Variants in EVL observed in about 807,000 individuals in gnomAD.
The protein encoded by EVL is Enah/Vasp-like.
In EVL, 21 loss-of-function variants were observed where a neutral mutation model predicts 59.6. The observed-to-expected ratio is 0.35, with a 90% CI of 0.25 to 0.51. The LOEUF (loss-of-function observed/expected upper bound fraction) is 0.51. Among genes scored for constraint, EVL ranks in the 20% least tolerant of loss-of-function variants. The pLI, the probability that EVL is intolerant of heterozygous loss-of-function variation, is 0.97. For synonymous variants in EVL, 198 were observed against 203.5 expected (o/e 0.97, Z 0.23); for missense variants, 462 against 546.6 (o/e 0.85, Z 1.54).
chr14:100,085,634 A>G (rs912720052), intron 2 of EVL, among the ~76,000 whole-genome samples: 3 of 152,242 alleles, frequency 2.0e-5, no homozygotes, highest in African/African-American at 7.2e-5. Context: ...TTGTGGGTCA[A>G]GCTTCAGCTA....
intron 1 of EVL, among the ~76,000 whole-genome samples, chr14:99,982,680 A>G (rs2060815282): frequency 6.6e-6 from 1 of 152,242 alleles, no homozygotes; most frequent in Admixed American, 6.5e-5. Flanking sequence ...GATTCATACG[A>G]AGATGCATTG....
intron 1 of EVL, among the ~76,000 whole-genome samples, chr14:100,039,104 CTTGGGG>C (rs1049665578): frequency 6.6e-6 from 1 of 152,130 alleles, no homozygotes; most frequent in Non-Finnish European, 1.5e-5. Flanking sequence ...AAAGTTAAAC[CTTGGGG>C]ACAGAGACCC....
Position 100,065,491 on chromosome 14 carries a change from C to G in EVL, c.-10C>G. On this transcript the variant is annotated 5_prime_UTR_variant, in exon 1 of 14. Coordinates refer to ENST00000392920, the MANE Select transcript of EVL (RefSeq NM_016337.3). ...CTCCTCAGGGTTCCCTGTGCTGCCA[C>G]TTTTCAGCCATGGCCACAAGGTGAG... The G allele has an allele frequency of 6.6e-7, 1 of 1,519,268 alleles. No homozygotes were observed. The highest frequency in any genetic ancestry group is 8.9e-7 in the Non-Finnish European group (1 of 1,122,494). 94.1% of individuals were successfully genotyped at this position (1,519,268 alleles called of 1,614,324 possible).
intron 7 of EVL, among the ~76,000 whole-genome samples, chr14:100,131,711 G>A (rs1445064845): frequency 6.6e-6 from 1 of 152,234 alleles, no homozygotes; most frequent in East Asian, 1.9e-4. Flanking sequence ...GACAGTCCAG[G>A]AAGAGATGAT....
At chr14:100,053,937 G>A (rs2061685976) in intron 1 of EVL, among the ~76,000 whole-genome samples, 2 of 151,656 alleles carry the variant, frequency 1.3e-5, no homozygotes, top group Admixed American at 6.6e-5. Context: ...GTGAGCCACT[G>A]TGCCCAGCCC....
At chr14:100,032,568 C>A (rs1341805807) in intron 1 of EVL, among the ~76,000 whole-genome samples, 2 of 152,180 alleles carry the variant, frequency 1.3e-5, no homozygotes, top group Non-Finnish European at 2.9e-5. Context: ...CCTCCATGGT[C>A]TGGCTGCGGT....
chr14:100,135,887 C>A lies in EVL; in HGVS notation c.901-18C>A, dbSNP rs765125190. ...CCAGGTGGCCTTCCTAAACAGACTC[C>A]CTTCTTCTCCATTTTAGGAAGATCC... On this transcript the variant is annotated intron_variant, in intron 8 of 13. Transcript: ENST00000392920. 6.2e-7 allele frequency: 1 copy of A among 1,613,852 alleles called. No homozygotes were observed. The highest frequency in any genetic ancestry group is 8.5e-7 in the Non-Finnish European group (1 of 1,179,862).
upstream of EVL, among the ~76,000 whole-genome samples, chr14:100,064,426 G>A (rs2061890206): frequency 6.6e-6 from 1 of 152,210 alleles, no homozygotes; most frequent in Non-Finnish European, 1.5e-5. Context: ...ACCCTGTGGA[G>A]ATAGGCAAAA....
At chr14:100,117,728 T>G (rs1055770988) in intron 3 of EVL, among the ~76,000 whole-genome samples, 4 of 152,220 alleles carry the variant, frequency 2.6e-5, no homozygotes, top group Non-Finnish European at 5.9e-5. Flanking sequence ...TTGAGTTCTC[T>G]CCTTACCCCA....
chr14:100,084,138 A>G (rs1219180691), intron 1 of EVL, among the ~76,000 whole-genome samples: 1 of 143,836 alleles, frequency 7.0e-6, no homozygotes, highest in African/African-American at 2.7e-5. Context: ...TGCAACCTCC[A>G]TCTCCTGGGT....
intron 2 of EVL, among the ~76,000 whole-genome samples, chr14:100,092,068 G>C (rs1025248048): frequency 2.0e-5 from 3 of 151,732 alleles, no homozygotes; most frequent in Non-Finnish European, 4.4e-5. Flanking sequence ...GCAAGACCTC[G>C]TCTCTACAAA....
chr14:100,117,871 C>G (rs1048658829), intron 3 of EVL, among the ~76,000 whole-genome samples: 5 of 152,200 alleles, frequency 3.3e-5, no homozygotes, highest in Admixed American at 1.3e-4. Context: ...TAGACTTCTG[C>G]TATTTTCTCT....
At chr14:100,117,033 G>A (rs1459874906) in intron 3 of EVL, among the ~76,000 whole-genome samples, 4 of 152,218 alleles carry the variant, frequency 2.6e-5, no homozygotes, top group Non-Finnish European at 5.9e-5. Context: ...AAGACAGGAC[G>A]GGGACCAAGG....
At chr14:100,092,005 G>A (rs892583208) in intron 2 of EVL, among the ~76,000 whole-genome samples, 10 of 152,168 alleles carry the variant, frequency 6.6e-5, no homozygotes, top group South Asian at 2.1e-4. Context: ...TTGGGAGGCC[G>A]AGGCAGGAGG....
At chr14:100,027,406 C>T (rs1054637577) in intron 1 of EVL, among the ~76,000 whole-genome samples, 12 of 152,268 alleles carry the variant, frequency 7.9e-5, no homozygotes, top group African/African-American at 1.4e-4. Context: ...ACCCTCTCCC[C>T]GTTACCCTTC....
intron 1 of EVL, 79 bp from the exon 2 acceptor site, chr14:100,084,608 G>A (rs953743027): frequency 6.8e-6 from 10 of 1,468,534 alleles, no homozygotes; most frequent in East Asian, 2.3e-5. Flanking sequence ...GTAGCAATTG[G>A]CCTCTATTTC....
At chr14:99,977,890 G>GT (rs2060780944) in intron 1 of EVL, 1 of 151,514 alleles carries the variant, frequency 6.6e-6, no homozygotes, top group Non-Finnish European at 1.5e-5. Flanking sequence ...GAGGTCAGGA[G>GT]TTTGAGACCA....
At chr14:99,994,311 A>G (rs2060897892) in intron 1 of EVL, among the ~76,000 whole-genome samples, 1 of 151,762 alleles carries the variant, frequency 6.6e-6, no homozygotes, top group Non-Finnish European at 1.5e-5. Context: ...TTTTGTTAAT[A>G]GTTTTTCTGT....
intron 11 of EVL, chr14:100,140,242 A>G (rs767347865): frequency 6.6e-5 from 10 of 152,236 alleles, no homozygotes; most frequent in Non-Finnish European, 1.3e-4. Flanking sequence ...GTCTCAAATA[A>G]GTAAAAATAA....
Sources: allele counts gnomAD v4.1 joint callset (sites outside exome capture counted in the v4.1 genomes callset), GRCh38; gene constraint gnomAD v4.1.1; transcripts MANE v1.5; gene names NCBI Gene and HGNC (gene_info 2026-07-23, HGNC 2026-07-21).